The following ANO7 variants were observed in gnomAD, a reference collection of about 807,000 sequenced individuals.
The protein encoded by ANO7 is anoctamin 7.
A neutral mutation model predicts 115.8 loss-of-function variants in ANO7; 114 were observed. The observed-to-expected ratio is 0.98, with a 90% CI of 0.85 to 1.15. The LOEUF (loss-of-function observed/expected upper bound fraction) is 1.15. Among genes scored for constraint, ANO7 ranks in the 50% most tolerant of loss-of-function variants. ANO7 has a pLI of 0.00. For synonymous variants in ANO7, 550 were observed against 498.2 expected (o/e 1.10, Z -1.38); for missense variants, 1,302 against 1,201.2 (o/e 1.08, Z -1.24).
rs1227076873 is a variant in ANO7, at chr2:241,202,290, T to C, written c.709T>C (p.Phe237Leu). The C allele has an allele frequency of 1.9e-6, 3 of 1,612,956 alleles. No individual in the cohort carries two copies. Among genetic ancestry groups the C allele is most frequent in the African/African-American group, 1.3e-5 (1 of 74,934 alleles). ...GGCAGAGGGTGTCCTCAGTGCCGCC[T>C]TCCCCCTGCATGACGTGAGCTCGGG... The part of the protein sequence containing the change: ...LLAEGVLSAA[F>L]PLHDGPFKTP... Residue 237 changes from phenylalanine (F) to leucine (L), a missense_variant, in exon 8 of 25, where the codon TTC becomes CTC. Phe to Leu is a conservative substitution (Grantham distance 22, BLOSUM62 0). Coordinates refer to ENST00000674324, the MANE Select transcript of ANO7 (RefSeq NM_001370694.2).
chr2:241,226,894 G>A (rs1024963207), downstream of ANO7, among the ~76,000 whole-genome samples: 12 of 152,014 alleles, frequency 7.9e-5, no homozygotes, highest in South Asian at 2.1e-4. Flanking sequence ...TCCTCCAGCC[G>A]AGGCCTCCGC....
At chr2:241,204,071 C>A (rs2068534306) in intron 9 of ANO7, among the ~76,000 whole-genome samples, 1 of 152,208 alleles carries the variant, frequency 6.6e-6, no homozygotes, top group Non-Finnish European at 1.5e-5. Flanking sequence ...TAGAGCCAGC[C>A]AGGGCAGCGG....
At chr2:241,198,347 C>T (rs930406152) in intron 4 of ANO7, among the ~76,000 whole-genome samples, 2 of 152,202 alleles carry the variant, frequency 1.3e-5, no homozygotes, top group Non-Finnish European at 2.9e-5. Context: ...GAGTTTGGAT[C>T]TGCTTCAGTG....
At chr2:241,190,475 G>T in intron 2 of ANO7, among the ~76,000 whole-genome samples, 1 of 152,198 alleles carries the variant, frequency 6.6e-6, no homozygotes, top group South Asian at 2.1e-4. Flanking sequence ...CCTCCCTGTG[G>T]TGTCAGTCCC....
Position 241,190,040 on chromosome 2 carries a change from G to A in ANO7, c.-7-17G>A, listed in dbSNP as rs151218672. On this transcript the variant is annotated splice_polypyrimidine_tract_variant and intron_variant, in intron 1 of 24. Coordinates refer to ENST00000674324, the MANE Select transcript of ANO7 (RefSeq NM_001370694.2). ...CCCTCTCTGACCCCCATCCCCACCC[G>A]GCCTTGCTGGGTGCAGGAGCAGGAT... is the stretch of plus-strand genomic sequence containing the variant. The A allele has an allele frequency of 8.2e-5, 128 of 1,552,720 alleles. No homozygotes were observed. The African/African-American group carries it at 1.1e-3, about 13-fold the overall frequency.
At chr2:241,199,565 C>A in intron 5 of ANO7, 142 bp downstream of exon 5, 1 of 789,452 alleles carries the variant, frequency 1.3e-6, no homozygotes, top group Non-Finnish European at 2.1e-6. Context: ...GACACCAGGC[C>A]CCAAGAAACC....
the ANO7 span, among the ~76,000 whole-genome samples, chr2:241,234,631 CCTGCCAGAGGCTGGGCGTCTGCAGCG>C: frequency 2.6e-5 from 4 of 152,224 alleles, no homozygotes; most frequent in African/African-American, 9.6e-5. Flanking sequence ...AAATGTCAGC[CCTGCCAGAGGCTGGGCGTCTGCAGCG>C]CTCCGCTCAT....
At chr2:241,239,644 C>T in the ANO7 span, 4 of 1,614,090 alleles carry the variant, frequency 2.5e-6, no homozygotes, top group African/African-American at 5.3e-5. This position sits in a 1 kb window ranked among gnomAD's most constrained non-coding sequence, Gnocchi z 4.6. Flanking sequence ...TGGCTGCCTC[C>T]ACACAGTCCT....
chr2:241,235,269 G>A, the ANO7 span: 1 of 1,614,122 alleles, frequency 6.2e-7, no homozygotes, highest in Non-Finnish European at 8.5e-7. Context: ...CGTGAAGAGG[G>A]GGCTGACTTG....
At chr2:241,200,268 A>G in intron 6 of ANO7, 43 bp downstream of exon 6, 3 of 1,591,084 alleles carry the variant, frequency 1.9e-6, no homozygotes, top group Non-Finnish European at 2.6e-6. Context: ...AACAGGAGTG[A>G]GTGGGAGTCG....
At chr2:241,222,051 G>A (rs113881566) in intron 21 of ANO7, among the ~76,000 whole-genome samples, 14,550 of 151,780 alleles carry the variant, frequency 0.096, 2,324 homozygotes, top group African/African-American at 0.33. Flanking sequence ...TGGCTAACAC[G>A]GTGAAACCCC....
rs1224324586 is a variant in ANO7 at position 241,188,803 on chromosome 2, A to G, written c.-8+37A>G. On this transcript the variant is annotated intron_variant, in intron 1 of 24. Coordinates refer to ENST00000674324, the MANE Select transcript of ANO7 (RefSeq NM_001370694.2). This position sits in a 1 kb window ranked among gnomAD's most constrained non-coding sequence, Gnocchi z 4.3. ...GCCTAGACGTGTGGGCCACAGGGAG[A>G]AGGTGGAGCGTTGGACTCTAGGGAG... 6.3e-6 allele frequency: 10 copies of G among 1,599,424 alleles called. No homozygotes were observed. Among genetic ancestry groups the G allele is most frequent in the Non-Finnish European group, 8.5e-6 (10 of 1,171,564 alleles).
rs766844190 is a variant in ANO7 at position 241,190,046 on chromosome 2, G to T, written c.-7-11G>T. ...CTGACCCCCATCCCCACCCGGCCTT[G>T]CTGGGTGCAGGAGCAGGATGCTGCG... On this transcript the variant is annotated splice_polypyrimidine_tract_variant and intron_variant, in intron 1 of 24. Coordinates refer to ENST00000674324, the MANE Select transcript of ANO7 (RefSeq NM_001370694.2). 1 of 1,560,662 alleles carries T rather than the reference G, an allele frequency of 6.4e-7. No homozygotes were observed. Among genetic ancestry groups the T allele is most frequent in the Non-Finnish European group, 8.7e-7 (1 of 1,152,488 alleles).
At chr2:241,193,940 G>A (rs1399566035) in intron 3 of ANO7, among the ~76,000 whole-genome samples, 1 of 152,186 alleles carries the variant, frequency 6.6e-6, no homozygotes, top group Non-Finnish European at 1.5e-5. Context: ...GCAAGGGCAC[G>A]ATCTTGGCTC....
At chr2:241,206,427 G>T (rs2068591725) in intron 10 of ANO7, among the ~76,000 whole-genome samples, 1 of 24,346 alleles carries the variant, frequency 4.1e-5, no homozygotes, top group Non-Finnish European at 7.4e-5. Flanking sequence ...CAGGTGGACA[G>T]GAGTGCTCCC....
intron 3 of ANO7, among the ~76,000 whole-genome samples, chr2:241,191,984 C>T (rs2068217075): frequency 6.6e-6 from 1 of 152,210 alleles, no homozygotes; most frequent in Non-Finnish European, 1.5e-5. Context: ...TGTACACCCG[C>T]AATGTCATTC....
chr2:241,220,304 C>T (rs569726926), intron 21 of ANO7, among the ~76,000 whole-genome samples: 181 of 152,222 alleles, frequency 1.2e-3, no homozygotes, highest in South Asian at 1.2e-3. Context: ...CTTCAAATAG[C>T]GGATATAAAA....
chr2:241,236,790 GGACAGCT>G, the ANO7 span: 2 of 1,612,258 alleles, frequency 1.2e-6, no homozygotes, highest in Admixed American at 1.7e-5. Flanking sequence ...AGGGGAAAAG[GGACAGCT>G]GACAGCTGCT....
At chr2:241,193,258 C>T (rs1416272679) in intron 3 of ANO7, among the ~76,000 whole-genome samples, 2 of 151,934 alleles carry the variant, frequency 1.3e-5, no homozygotes, top group Admixed American at 6.6e-5. Context: ...GTAGTAGAGA[C>T]GGGGTTTCGC....
Sources: allele counts gnomAD v4.1 joint callset (sites outside exome capture counted in the v4.1 genomes callset), GRCh38; gene constraint gnomAD v4.1.1; non-coding constraint Gnocchi (gnomAD v3.1); transcripts MANE v1.5; gene names NCBI Gene and HGNC (gene_info 2026-07-23, HGNC 2026-07-21).